The following PTPRK variants were observed in gnomAD, a reference collection of about 807,000 sequenced individuals.
The protein encoded by PTPRK is protein tyrosine phosphatase receptor type K, also known as receptor-type tyrosine-protein phosphatase kappa.
PTPRK carries 75 observed loss-of-function variants against 178.0 expected under a neutral mutation model. The ratio of observed to expected loss-of-function variants is 0.42; its 90% CI spans 0.35 to 0.51. The LOEUF (loss-of-function observed/expected upper bound fraction) is 0.51, where lower values mean the gene tolerates loss of function less well. Among genes scored for constraint, PTPRK ranks in the 20% least tolerant of loss-of-function variants. The probability of loss-of-function intolerance (pLI) is 0.02; values close to 1 mark genes in which losing one functional copy is unlikely to be tolerated. For missense variants in PTPRK, 1,441 were observed against 1,797.8 expected, an observed-to-expected ratio of 0.80 and a Z score of 3.59; for synonymous variants, 637 against 620.6, an observed-to-expected ratio of 1.03 and a Z score of -0.39.
intron 2 of PTPRK, among the ~76,000 whole-genome samples, chr6:128,342,248 A>G (rs1358215022): frequency 6.6e-6 from 1 of 152,104 alleles, no homozygotes; most frequent in Non-Finnish European, 1.5e-5. Context: ...GTGAGACTCC[A>G]TCTCAAACAA....
At chr6:128,380,799 T>C (rs925507716) in intron 2 of PTPRK, among the ~76,000 whole-genome samples, 3 of 152,152 alleles carry the variant, frequency 2.0e-5, no homozygotes, top group African/African-American at 7.2e-5. Flanking sequence ...AGATTTCTCA[T>C]TTTAGAACAA....
At chr6:128,268,498 T>A (rs1562167498) in intron 3 of PTPRK, among the ~76,000 whole-genome samples, 1 of 151,998 alleles carries the variant, frequency 6.6e-6, no homozygotes, top group Admixed American at 6.6e-5. Context: ...TTCGCCTTTC[T>A]TGGGAATGGG....
chr6:128,450,342 CTCTG>C (rs1447136856), intron 1 of PTPRK, among the ~76,000 whole-genome samples: 1 of 152,150 alleles, frequency 6.6e-6, no homozygotes, highest in Non-Finnish European at 1.5e-5. Context: ...TTATCTTCTT[CTCTG>C]TAATAGCAAT....
At chr6:128,062,359 C>T (rs555508654) in intron 13 of PTPRK, 2 of 166,990 alleles carry the variant, frequency 1.2e-5, no homozygotes, top group South Asian at 2.1e-4. Flanking sequence ...GCACAAGTCA[C>T]CATGCCTGGC....
At chr6:128,203,438 C>T (rs1281536352) in intron 6 of PTPRK, among the ~76,000 whole-genome samples, 1 of 152,068 alleles carries the variant, frequency 6.6e-6, no homozygotes, top group Non-Finnish European at 1.5e-5. Flanking sequence ...GGCAATCAGG[C>T]AAGACAAAGA....
At chr6:128,202,038 T>C (rs1806055227) in intron 6 of PTPRK, among the ~76,000 whole-genome samples, 1 of 152,284 alleles carries the variant, frequency 6.6e-6, no homozygotes, top group African/African-American at 2.4e-5. Context: ...GAAATTGATA[T>C]ATAGGCCCTG....
At chr6:128,407,421 G>A (rs972857836) in intron 1 of PTPRK, among the ~76,000 whole-genome samples, 1 of 151,898 alleles carries the variant, frequency 6.6e-6, no homozygotes, top group Non-Finnish European at 1.5e-5. Context: ...TAGATTTCTT[G>A]AGCCTAAGAG....
At chr6:128,349,600 T>C (rs1245089894) in intron 2 of PTPRK, among the ~76,000 whole-genome samples, 1 of 151,690 alleles carries the variant, frequency 6.6e-6, no homozygotes, top group Non-Finnish European at 1.5e-5. Context: ...CTGATTCTGT[T>C]ATAAGGGAGA....
rs148554970 is a variant in PTPRK at position 128,165,167 on chromosome 6, T to C, written c.1162+19265A>G. ...TAAATCAAGGGAGAAACAAAAGAAA[T>C]GACAGAAACACATGTGATGGGAAAG... is the stretch of plus-strand genomic sequence containing the variant. On this transcript the variant is annotated intron_variant, in intron 7 of 29. Transcript: ENST00000368226. 8.5e-3 allele frequency among the ~76,000 whole-genome samples: 1,278 copies of C among 151,220 alleles called. 48 individuals are homozygous for C. The highest frequency in any genetic ancestry group is 0.043 in the East Asian group (219 of 5,138).
At chr6:128,128,352 C>T (rs1793702298) in intron 7 of PTPRK, among the ~76,000 whole-genome samples, 1 of 152,134 alleles carries the variant, frequency 6.6e-6, no homozygotes. Context: ...AGCCTCACTG[C>T]TTATACAAGC....
At chr6:128,064,129 T>C (rs1219889409) in intron 13 of PTPRK, among the ~76,000 whole-genome samples, 2 of 152,176 alleles carry the variant, frequency 1.3e-5, no homozygotes, top group African/African-American at 2.4e-5. Context: ...TGTAGGAGAC[T>C]TTCCCCCACT....
At chr6:127,991,456 C>A in intron 19 of PTPRK, 65 bp from the exon 20 acceptor site, 2 of 1,271,032 alleles carry the variant, frequency 1.6e-6, no homozygotes, top group Non-Finnish European at 2.2e-6. Flanking sequence ...AGAAGTTTAG[C>A]TAAGATAAGA....
At chr6:128,350,258 A>AAGGT in intron 2 of PTPRK, among the ~76,000 whole-genome samples, 1 of 152,280 alleles carries the variant, frequency 6.6e-6, no homozygotes, top group East Asian at 1.9e-4. Flanking sequence ...GAAAGTATTA[A>AAGGT]AGGTAGCAAT....
chr6:128,366,170 T>C (rs893173263), intron 2 of PTPRK, among the ~76,000 whole-genome samples: 2 of 152,148 alleles, frequency 1.3e-5, no homozygotes, highest in East Asian at 1.9e-4. Context: ...TAGACACTTT[T>C]GGGAGTACTA....
chr6:128,193,279 T>TAAA lies in PTPRK; in HGVS notation c.869-8555_869-8554insTTT, dbSNP rs1554338433. Among the ~76,000 whole-genome samples the TAAA allele has an allele frequency of 6.2e-3, 120 of 19,402 alleles. 2 individuals carry two copies. Among genetic ancestry groups the TAAA allele is most frequent in the African/African-American group, 0.017 (107 of 6,258 alleles). 12.7% of individuals were successfully genotyped at this position (19,402 alleles called of 152,430 possible). On this transcript the variant is annotated intron_variant, in intron 6 of 29. Coordinates refer to ENST00000368226, the MANE Select transcript of PTPRK (RefSeq NM_002844.4). The stretch of plus-strand genomic sequence containing the variant: ...GGAATCAAATGATTTATCCAGCTTG[T>TAAA]GAAAAAAAAAAAAAAAAAAAAAAAA...
At chr6:128,126,990 C>A in intron 7 of PTPRK, among the ~76,000 whole-genome samples, 1 of 150,490 alleles carries the variant, frequency 6.6e-6, no homozygotes, top group East Asian at 2.0e-4. Context: ...ATTAGTCATT[C>A]TAATAGGTTT....
chr6:128,297,213 A>G (rs1157639853), intron 3 of PTPRK, among the ~76,000 whole-genome samples: 4 of 152,114 alleles, frequency 2.6e-5, no homozygotes, highest in East Asian at 1.9e-4. Flanking sequence ...AGGAGCACCC[A>G]GATTCATAAA....
At chr6:128,411,306 A>G (rs1390347122) in intron 1 of PTPRK, among the ~76,000 whole-genome samples, 1 of 152,220 alleles carries the variant, frequency 6.6e-6, no homozygotes, top group Non-Finnish European at 1.5e-5. Flanking sequence ...TGCCAGCCAT[A>G]TTGTACTTTT....
intron 1 of PTPRK, 101 bp downstream of exon 1, chr6:128,520,158 G>C (rs757134311): frequency 9.7e-7 from 1 of 1,033,998 alleles, no homozygotes. Flanking sequence ...GACAGAGAGA[G>C]CTCCCCACGA....
Sources: allele counts gnomAD v4.1 joint callset (sites outside exome capture counted in the v4.1 genomes callset), GRCh38; gene constraint gnomAD v4.1.1; transcripts MANE v1.5; gene names NCBI Gene and HGNC (gene_info 2026-07-23, HGNC 2026-07-21).